The following CC2D1A variants were observed in gnomAD, a reference collection of about 807,000 sequenced individuals.
The protein encoded by CC2D1A is coiled-coil and C2 domain-containing protein 1A.
A neutral mutation model predicts 123.8 loss-of-function variants in CC2D1A; 68 were observed. The observed-to-expected ratio is 0.55, with a 90% CI of 0.45 to 0.67. CC2D1A has a LOEUF of 0.67. CC2D1A is among the 30% of genes least tolerant of loss of function. CC2D1A has a pLI of 0.00. For synonymous variants in CC2D1A, 477 were observed against 528.0 expected (o/e 0.90, Z 1.32); for missense variants, 1,185 against 1,290.3 (o/e 0.92, Z 1.25).
In CC2D1A at chr19:13,927,208, A is replaced by G. The variant is rs984020169; in HGVS notation, c.2259A>G (p.Thr753=). 6 of 1,614,028 alleles carry G rather than the reference A, an allele frequency of 3.7e-6. No homozygotes were observed. Among genetic ancestry groups the G allele is most frequent in the Middle Eastern group, 1.6e-4 (1 of 6,084 alleles). Residue 753 remains threonine, a synonymous_variant, in exon 22 of 29, where the codon ACA becomes ACG. Coordinates refer to ENST00000318003, the MANE Select transcript of CC2D1A (RefSeq NM_017721.5). The stretch of plus-strand genomic sequence containing the variant: ...TCAAGACTGACCGGGTGCTGGGGAC[A>G]GCCCAGCTGAAGCTGGATGCACTGG... ...GLFKTDRVLG[T]AQLKLDALEI...
At position 13,926,789 on chromosome 19, in the gene CC2D1A, C is replaced by G. The variant is rs373559604; in HGVS notation, c.2074-32C>G. On this transcript the variant is annotated intron_variant, in intron 19 of 28. Transcript: ENST00000318003. ...GTGGGCCAAAGCCAGGTCCCAGGCC[C>G]CCTAGATTTCCTGCCTCCTCTCTGG... 201 of 1,613,982 alleles carry G rather than the reference C, an allele frequency of 1.2e-4. 1 individual carries two copies. The African/African-American group carries it at 2.1e-3, about 17-fold the overall frequency.
rs377557544 is a variant in CC2D1A, at chr19:13,923,747, G to A, written c.1876G>A (p.Ala626Thr). Reference sequence around the variant, plus strand: ...GCGGAGCATGGACATTCTGAAGCAAGCCTTCGTCCGGGGTCTCCCCACGCC... The same window carrying A: ...GCGGAGCATGGACATTCTGAAGCAAACCTTCGTCCGGGGTCTCCCCACGCC... ...CKRSMDILKQAFVRGLPTPTA... is the reference protein window; with the variant it reads ...CKRSMDILKQTFVRGLPTPTA... The change falls in exon 17 of 29, where the codon GCC becomes ACC. Residue 626 changes from alanine (A) to threonine (T), a missense_variant. Transcript: ENST00000318003. The surrounding 1 kb of genome is among the most constrained non-coding windows in gnomAD (Gnocchi z 5.3). 1.5e-5 allele frequency: 25 copies of A among 1,614,208 alleles called. No homozygotes were observed. The highest frequency in any genetic ancestry group is 9.3e-5 in the African/African-American group (7 of 75,072).
In CC2D1A at chr19:13,926,742, G is replaced by A. The variant is rs1240347874; in HGVS notation, c.2073+17G>A. The A allele has an allele frequency of 6.2e-7, 1 of 1,614,150 alleles. No homozygotes were observed. Among genetic ancestry groups the A allele is most frequent in the Admixed American group, 1.7e-5 (1 of 60,014 alleles). On this transcript the variant is annotated intron_variant, in intron 19 of 28. Transcript: ENST00000318003. The stretch of plus-strand genomic sequence containing the variant: ...CCCAACGTGGTACGTGGGGAGCTGA[G>A]GAGGGGAGGGCTGCAGCCTCAGTGG...
intron 17 of CC2D1A, among the ~76,000 whole-genome samples, chr19:13,924,180 T>C (rs1789832804): frequency 6.6e-6 from 1 of 152,122 alleles, no homozygotes; most frequent in African/African-American, 2.4e-5. Context: ...TTATTTTTAT[T>C]TTTATTTTGA....
At chr19:13,928,317 C>T in intron 24 of CC2D1A, 129 bp downstream of exon 24, 1 of 767,336 alleles carries the variant, frequency 1.3e-6, no homozygotes, top group Non-Finnish European at 2.1e-6. Context: ...CTTGGCACCC[C>T]TTTTCCCAGA....
Position 13,918,741 on chromosome 19 carries a change from C to A in CC2D1A, c.947-5C>A. ...CCTCATTGGCCTGGACCTCTCTGTC[C>A]CCAGACCAGCTGCCCCCAGACCCAC... On this transcript the variant is annotated splice_polypyrimidine_tract_variant and splice_region_variant and intron_variant, in intron 8 of 28. Transcript: ENST00000318003. 1 of 1,609,950 alleles carries A rather than the reference C, an allele frequency of 6.2e-7. No homozygotes were observed. The highest frequency in any genetic ancestry group is 1.3e-5 in the African/African-American group (1 of 75,018).
rs562277667 is a variant in CC2D1A at position 13,923,556 on chromosome 19, G to C, written c.1773G>C (p.Leu591=). 7 of 1,613,848 alleles carry C rather than the reference G, an allele frequency of 4.3e-6. No homozygotes were observed. The highest frequency in any genetic ancestry group is 1.1e-5 in the South Asian group (1 of 91,080). The change falls in exon 16 of 29, where the codon CTG becomes CTC. Residue 591 remains leucine, a synonymous_variant. Coordinates refer to ENST00000318003, the MANE Select transcript of CC2D1A (RefSeq NM_017721.5). The surrounding 1 kb of genome is among the most constrained non-coding windows in gnomAD (Gnocchi z 5.3). ...KLIRQQHEMC[L]NHSNQFTQLG... is the part of the protein sequence containing the mutation. ...GCCTTCTGTTTCCCCAGATGTGCCTGAACCACTCAAACCAATTCACCCAGC... is the reference window on the plus strand; with the variant it reads ...GCCTTCTGTTTCCCCAGATGTGCCTCAACCACTCAAACCAATTCACCCAGC...
intron 24 of CC2D1A, 73 bp from the exon 25 acceptor site, chr19:13,929,304 CCA>C (rs1247853168): frequency 6.8e-7 from 1 of 1,470,690 alleles, no homozygotes; most frequent in African/African-American, 1.4e-5. Context: ...TGTGCCCAGC[CCA>C]GTGTGTCTTT....
intron 4 of CC2D1A, 112 bp from the exon 5 acceptor site, chr19:13,913,056 G>T: frequency 1.8e-6 from 2 of 1,139,576 alleles, no homozygotes; most frequent in Non-Finnish European, 2.4e-6. Context: ...CCTCACTGGG[G>T]CAGGGGAGGC....
intron 24 of CC2D1A, among the ~76,000 whole-genome samples, chr19:13,928,895 G>A (rs1971752816): frequency 6.6e-6 from 1 of 151,844 alleles, no homozygotes; most frequent in Admixed American, 6.6e-5. Flanking sequence ...TTTTAGTAGA[G>A]ATGGGGTTTC....
chr19:13,925,624 G>C (rs903708130), intron 17 of CC2D1A, among the ~76,000 whole-genome samples: 3 of 150,974 alleles, frequency 2.0e-5, no homozygotes, highest in Non-Finnish European at 4.4e-5. Context: ...CCAGCAACTA[G>C]GACACTAGCT....
chr19:13,913,470 C>T lies in CC2D1A; in HGVS notation c.580C>T (p.Pro194Ser), dbSNP rs1172575328. The T allele has an allele frequency of 6.2e-7, 1 of 1,614,230 alleles. No individual in the cohort carries two copies. Among genetic ancestry groups the T allele is most frequent in the South Asian group, 1.1e-5 (1 of 91,090 alleles). ...NAIDEADIPP[P>S]VAIGKGPAST... ...CATTGACGAAGCGGACATCCCGCCG[C>T]CAGTGGCCATAGGAAAAGGCCCGGC... Residue 194 changes from proline to serine, a missense_variant, in exon 6 of 29, where the codon CCA becomes TCA. By Grantham distance (74) the Pro-to-Ser change is moderately conservative. Transcript: ENST00000318003.
Position 13,923,165 on chromosome 19 carries a change from C to G in CC2D1A, c.1642-168C>G, listed in dbSNP as rs1278697186. Among the ~76,000 whole-genome samples the G allele has an allele frequency of 2.0e-5, 3 of 151,852 alleles. No homozygotes were observed. The highest frequency in any genetic ancestry group is 7.3e-5 in the African/African-American group (3 of 41,326). ...CTGAGATCCCGCCATTGCACTCCAG[C>G]CTGGGCAACAGAGCGAGACTCCATC... On this transcript the variant is annotated intron_variant, in intron 14 of 28. Transcript: ENST00000318003. This position sits in a 1 kb window ranked among gnomAD's most constrained non-coding sequence, Gnocchi z 5.3.
Position 13,923,425 on chromosome 19 carries a change from A to C in CC2D1A, c.1734A>C (p.Glu578Asp), listed in dbSNP as rs1370709302. 1 of 1,613,818 alleles carries C rather than the reference A, an allele frequency of 6.2e-7. No homozygotes were observed. Among genetic ancestry groups the C allele is most frequent in the Non-Finnish European group, 8.5e-7 (1 of 1,179,976 alleles). ...LSQEAARRYG[E>D]LTKLIRQQHE... Reference sequence around the variant, plus strand: ...AGGAGGCCGCCCGGCGCTATGGTGAACTCACCAAGCTCATACGGCAGCAGC... The same window carrying C: ...AGGAGGCCGCCCGGCGCTATGGTGACCTCACCAAGCTCATACGGCAGCAGC... Residue 578 changes from glutamate (E) to aspartate (D), a missense_variant, in exon 15 of 29, where the codon GAA (glutamate) becomes GAC (aspartate). By Grantham distance (45) the Glu-to-Asp change is conservative (BLOSUM62 2). Transcript: ENST00000318003. This position sits in a 1 kb window ranked among gnomAD's most constrained non-coding sequence, Gnocchi z 5.3.
chr19:13,906,337 G>A lies in CC2D1A; in HGVS notation c.-105G>A. The A allele has an allele frequency of 1.2e-6, 1 of 832,280 alleles. No individual in the cohort carries two copies. The highest frequency in any genetic ancestry group is 1.7e-6 in the Non-Finnish European group (1 of 590,656). The allele number at this position is 832,280 out of a possible 1,614,324, so 51.6% of individuals were successfully genotyped here. On this transcript the variant is annotated 5_prime_UTR_variant, in exon 1 of 29. Transcript: ENST00000318003. The surrounding 1 kb of genome is among the most constrained non-coding windows in gnomAD (Gnocchi z 4.1). Reference sequence around the variant, plus strand: ...TCGACGGCCGCGGGGCGCCGACGAGGAGTGCAGGACTCAGGAAGGGCGAGT... The same window carrying A: ...TCGACGGCCGCGGGGCGCCGACGAGAAGTGCAGGACTCAGGAAGGGCGAGT...
Position 13,920,850 on chromosome 19 carries a change from C to T in CC2D1A, c.1569C>T (p.His523=), listed in dbSNP as rs756976176. The T allele has an allele frequency of 7.4e-6, 12 of 1,614,044 alleles. No individual in the cohort carries two copies. The highest frequency in any genetic ancestry group is 5.0e-5 in the Admixed American group (3 of 59,992). The change falls in exon 14 of 29, where the codon CAC becomes CAT. Residue 523 remains histidine, a synonymous_variant. Coordinates refer to ENST00000318003, the MANE Select transcript of CC2D1A (RefSeq NM_017721.5). ...ACGACGTGGAGGGTGCCAAGATGCA[C>T]CTGCGCCAAGCCAAGGGACTGGAGC... ...QKNDVEGAKM[H]LRQAKGLEPM... is the part of the protein sequence containing the mutation.
intron 6 of CC2D1A, among the ~76,000 whole-genome samples, 168 bp from the exon 7 acceptor site, chr19:13,917,902 C>T (rs1003307467): frequency 1.3e-5 from 2 of 151,998 alleles, no homozygotes; most frequent in African/African-American, 4.8e-5. Context: ...ACCCAGGAGG[C>T]GGAAGTTGCA....
chr19:13,917,714 C>G (rs1236312480), intron 6 of CC2D1A, among the ~76,000 whole-genome samples: 1 of 151,474 alleles, frequency 6.6e-6, no homozygotes, highest in Non-Finnish European at 1.5e-5. Flanking sequence ...CGCGGTGGTT[C>G]ACACCTATAA....
chr19:13,910,987 T>G (rs924023711), intron 2 of CC2D1A, among the ~76,000 whole-genome samples: 1 of 151,954 alleles, frequency 6.6e-6, no homozygotes, highest in Non-Finnish European at 1.5e-5. Flanking sequence ...AGTTAATGAA[T>G]GAACGATATC....
Sources: allele counts gnomAD v4.1 joint callset (sites outside exome capture counted in the v4.1 genomes callset), GRCh38; gene constraint gnomAD v4.1.1; non-coding constraint Gnocchi (gnomAD v3.1); transcripts MANE v1.5; gene names NCBI Gene and HGNC (gene_info 2026-07-23, HGNC 2026-07-21).